TM2D3: variants seen among roughly 807,000 people sequenced by gnomAD.
TM2D3 encodes TM2 domain-containing protein 3.
In TM2D3, 33 loss-of-function variants were observed where a neutral mutation model predicts 27.3. The observed-to-expected ratio is 1.21, with a 90% confidence interval of 0.92 to 1.61. The LOEUF is 1.61. Ranked by LOEUF, TM2D3 falls within the 40% of genes most tolerant of loss-of-function variation. The probability of loss-of-function intolerance (pLI) is 0.00; values close to 1 mark genes in which losing one functional copy is unlikely to be tolerated. For synonymous variants in TM2D3, 138 were observed against 122.2 expected (o/e 1.13, Z -0.85); for missense variants, 364 against 320.8 (o/e 1.13, Z -1.03).
In TM2D3 at chr15:101,633,733, A is replaced by G. The variant is rs755889669; in HGVS notation, c.501-5T>C. The G allele has an allele frequency of 5.9e-6, 9 of 1,528,944 alleles. 1 individual carries two copies. The South Asian group carries it at 1.1e-4, about 18-fold the overall frequency. The allele number at this position is 1,528,944 out of a possible 1,614,324, so 94.7% of individuals were successfully genotyped here. A position where few individuals can be genotyped will look rare whatever the true frequency, so the allele number is the denominator to read the frequency against. ...AGCCCCACCTGGGCCTGCAGACTAT[A>G]CCCAAAAAGAAGAAGAATTTAAAAG... On this transcript the variant is annotated splice_region_variant and splice_polypyrimidine_tract_variant and intron_variant, in intron 4 of 4. Transcript: ENST00000428002.
intron 4 of TM2D3, chr15:101,646,444 G>T: frequency 4.7e-6 from 2 of 424,838 alleles, no homozygotes; most frequent in Non-Finnish European, 8.6e-6. Context: ...TATTGGTGCT[G>T]CTTTCATTGT....
At chr15:101,634,073 C>T in intron 4 of TM2D3, 1 of 181,130 alleles carries the variant, frequency 5.5e-6, no homozygotes, top group Non-Finnish European at 1.2e-5. Flanking sequence ...CACTGGGCTG[C>T]CTCAGTAGTG....
At chr15:101,644,904 T>C (rs1440049024) in intron 5 of TM2D3, among the ~76,000 whole-genome samples, 183 bp downstream of exon 5, 1 of 152,208 alleles carries the variant, frequency 6.6e-6, no homozygotes, top group Non-Finnish European at 1.5e-5. Flanking sequence ...CTAACATGCC[T>C]GCCAGTCAAC....
intron 1 of TM2D3, 73 bp downstream of exon 1, chr15:101,652,198 C>A (rs776179503): frequency 1.5e-6 from 2 of 1,377,650 alleles, no homozygotes; most frequent in Non-Finnish European, 2.0e-6. Context: ...CCCGTGGGCC[C>A]GGCCTCCTCG....
chr15:101,652,133 C>T (rs1897000181), intron 1 of TM2D3, 138 bp downstream of exon 1: 2 of 830,066 alleles, frequency 2.4e-6, no homozygotes, highest in Non-Finnish European at 3.8e-6. Flanking sequence ...ACTCCAGATG[C>T]AGCGACAAGC....
At chr15:101,634,992 C>G (rs1267880066) in intron 4 of TM2D3, 1 of 152,136 alleles carries the variant, frequency 6.6e-6, no homozygotes, top group African/African-American at 2.4e-5. Context: ...GACCCTACCT[C>G]TAGAAAAAAA....
At chr15:101,636,708 G>A (rs1366803780) in intron 4 of TM2D3, 1 of 213,096 alleles carries the variant, frequency 4.7e-6, no homozygotes. Flanking sequence ...CAAGTCACAT[G>A]GTAACTCTAT....
At chr15:101,649,373 G>GAAGC (rs2141368721) in intron 3 of TM2D3, among the ~76,000 whole-genome samples, 1 of 151,790 alleles carries the variant, frequency 6.6e-6, no homozygotes, top group South Asian at 2.1e-4. Context: ...TTATTTTATG[G>GAAGC]CTTCTAAACT....
rs200892262 is a variant in TM2D3 at position 101,642,470 on chromosome 15, A to C, written c.*9T>G. ...TAAGCCCTGCTCCTTTCTGAAGCAC[A>C]CACCACAGCTAAATGTACAAAGAGC... On this transcript the variant is annotated 3_prime_UTR_variant, in exon 6 of 6. Transcript: ENST00000333202. 3.3e-5 allele frequency: 52 copies of C among 1,599,674 alleles called. No homozygotes were observed. Among genetic ancestry groups the C allele is most frequent in the Non-Finnish European group, 4.1e-5 (48 of 1,171,676 alleles).
chr15:101,645,275 G>A (rs1896775940), intron 4 of TM2D3, 113 bp from the exon 5 acceptor site: 2 of 836,500 alleles, frequency 2.4e-6, no homozygotes, highest in Non-Finnish European at 1.9e-6. Flanking sequence ...TCTCTTTACG[G>A]TAATACATGT....
At chr15:101,643,855 A>C (rs1003027215) in intron 5 of TM2D3, among the ~76,000 whole-genome samples, 2 of 151,942 alleles carry the variant, frequency 1.3e-5, no homozygotes, top group South Asian at 2.1e-4. Context: ...AATGGTTACT[A>C]ATCTTTTTTT....
chr15:101,647,396 T>C (rs887641791), intron 3 of TM2D3, among the ~76,000 whole-genome samples: 1 of 152,158 alleles, frequency 6.6e-6, no homozygotes, highest in African/African-American at 2.4e-5. Flanking sequence ...ACACACCGCC[T>C]TGCTTCCGAG....
chr15:101,646,469 G>C (rs546540501), intron 4 of TM2D3: 39 of 381,980 alleles, frequency 1.0e-4, no homozygotes, highest in Non-Finnish European at 1.7e-4. Context: ...TTGGGTAAAG[G>C]TCAATTACTG....
chr15:101,639,463 G>A (rs1896620944), downstream of TM2D3, among the ~76,000 whole-genome samples: 1 of 151,636 alleles, frequency 6.6e-6, no homozygotes, highest in Non-Finnish European at 1.5e-5. Flanking sequence ...TTGAGAAGCT[G>A]CATCAGGTAC....
intron 1 of TM2D3, 103 bp from the exon 2 acceptor site, chr15:101,651,876 G>T: frequency 8.3e-7 from 1 of 1,201,708 alleles, no homozygotes; most frequent in Non-Finnish European, 1.2e-6. Flanking sequence ...CCAATAAGCT[G>T]CTCATGAAAA....
At chr15:101,646,014 A>C (rs970139190) in intron 4 of TM2D3, 5 of 152,394 alleles carry the variant, frequency 3.3e-5, no homozygotes, top group African/African-American at 1.2e-4. Context: ...CACACGCTGG[A>C]AAGTACATGC....
chr15:101,652,314 G>A lies in TM2D3; in HGVS notation c.48C>T (p.Arg16=), dbSNP rs368849859. 6 of 1,602,646 alleles carry A rather than the reference G, an allele frequency of 3.7e-6. No individual in the cohort carries two copies. Among genetic ancestry groups the A allele is most frequent in the African/African-American group, 1.4e-5 (1 of 72,806 alleles). Residue 16 remains arginine, a synonymous_variant, in exon 1 of 6, where the codon CGC becomes CGT. Transcript: ENST00000333202. ...LPLRGLRALC[R]VLLFLSQFCI... ...AGAACTGCGAGAGGAAGAGCAGCAC[G>A]CGACACAAGGCGCGGAGGCCCCTCA...
intron 5 of TM2D3, among the ~76,000 whole-genome samples, chr15:101,644,384 C>G (rs1434694588): frequency 2.0e-5 from 3 of 152,174 alleles, no homozygotes; most frequent in South Asian, 4.1e-4. Flanking sequence ...AGTGATGCTG[C>G]TCAACACCCT....
At position 101,642,648 on chromosome 15, in the gene TM2D3, C is replaced by A. The variant is rs192525893; in HGVS notation, c.579-4G>T. The A allele has an allele frequency of 2.0e-5, 31 of 1,589,036 alleles. No homozygotes were observed. The highest frequency in any genetic ancestry group is 1.6e-4 in the Admixed American group (9 of 56,996). On this transcript the variant is annotated splice_region_variant and splice_polypyrimidine_tract_variant and intron_variant, in intron 5 of 5. Coordinates refer to ENST00000333202, the MANE Select transcript of TM2D3 (RefSeq NM_078474.3). ...TCCAAACCCACCGAGGGTGATGCTG[C>A]GATGGCAAACAGACAGGATTCCATG...
Sources: allele counts gnomAD v4.1 joint callset (sites outside exome capture counted in the v4.1 genomes callset), GRCh38; gene constraint gnomAD v4.1.1; transcripts MANE v1.5; gene names NCBI Gene and HGNC (gene_info 2026-07-23, HGNC 2026-07-21).